The following FAT3 variants were observed in gnomAD, a reference collection of about 807,000 sequenced individuals.
FAT3 encodes FAT atypical cadherin 3.
A neutral mutation model predicts 310.2 loss-of-function variants in FAT3; 95 were observed. The observed-to-expected ratio is 0.31, with a 90% confidence interval of 0.26 to 0.36. FAT3 has a LOEUF of 0.36. Ranked by LOEUF, FAT3 falls within the 10% of genes least tolerant of loss-of-function variation. The probability of loss-of-function intolerance (pLI) is 1.00; values close to 1 mark genes in which losing one functional copy is unlikely to be tolerated. For missense variants in FAT3, 5,408 were observed against 5,715.6 expected (o/e 0.95, Z 1.74); for synonymous variants, 2,314 against 2,192.9 (o/e 1.06, Z -1.54).
At chr11:92,771,844 C>T (rs1180940119) in intron 6 of FAT3, among the ~76,000 whole-genome samples, 1 of 151,508 alleles carries the variant, frequency 6.6e-6, no homozygotes, top group Non-Finnish European at 1.5e-5. Context: ...CTCTATATGC[C>T]ATATGTAAAT....
Position 92,792,746 on chromosome 11 carries a change from C to T in FAT3, c.4612-21C>T, listed in dbSNP as rs765842226. Reference sequence around the variant, plus strand: ...GCAATTTAAAATTTGAGTCCCACCACTTCTTGTATTTTGCCTAAAGGTCAG... The same window carrying T: ...GCAATTTAAAATTTGAGTCCCACCATTTCTTGTATTTTGCCTAAAGGTCAG... On this transcript the variant is annotated intron_variant, in intron 8 of 27. Coordinates refer to ENST00000525166, the MANE Select transcript of FAT3 (RefSeq NM_001367949.2). 4 of 1,611,240 alleles carry T rather than the reference C, an allele frequency of 2.5e-6. No individual in the cohort carries two copies. The African/African-American group carries it at 4.0e-5, about 16-fold the overall frequency.
At chr11:92,659,714 TAGA>T (rs1369796915) in intron 3 of FAT3, among the ~76,000 whole-genome samples, 1 of 152,194 alleles carries the variant, frequency 6.6e-6, no homozygotes, top group Non-Finnish European at 1.5e-5. Context: ...AAGCTGATGG[TAGA>T]AGATGGCCTT....
chr11:92,733,086 G>A (rs1945235969), intron 4 of FAT3, among the ~76,000 whole-genome samples: 1 of 152,206 alleles, frequency 6.6e-6, no homozygotes, highest in South Asian at 2.1e-4. Flanking sequence ...GGAAGATGTG[G>A]AGTAGGGGAG....
intron 2 of FAT3, among the ~76,000 whole-genome samples, chr11:92,523,123 C>T (rs767100105): frequency 6.6e-6 from 1 of 152,186 alleles, no homozygotes; most frequent in South Asian, 2.1e-4. Flanking sequence ...TGTCTTTATT[C>T]ATTCAATCAG....
At chr11:92,674,740 C>G (rs528596) in intron 3 of FAT3, among the ~76,000 whole-genome samples, 75,616 of 151,740 alleles carry the variant, frequency 0.5, 19,116 homozygotes, top group African/African-American at 0.55. Context: ...TGTTGCTCAG[C>G]CTGGCCTCAA....
At chr11:92,802,632 G>C (rs894179785) in intron 10 of FAT3, among the ~76,000 whole-genome samples, 1 of 152,096 alleles carries the variant, frequency 6.6e-6, no homozygotes, top group Admixed American at 6.5e-5. Flanking sequence ...AAGAGGAGAG[G>C]GTTGACAGTG....
At chr11:92,717,022 G>A (rs937858055) in intron 4 of FAT3, among the ~76,000 whole-genome samples, 1 of 152,128 alleles carries the variant, frequency 6.6e-6, no homozygotes, top group Admixed American at 6.5e-5. Context: ...CTCTGTGATA[G>A]TCTCAGTATC....
chr11:92,607,718 ATAT>A (rs1326631730), intron 3 of FAT3, among the ~76,000 whole-genome samples: 2 of 152,200 alleles, frequency 1.3e-5, no homozygotes. Flanking sequence ...GTGCTATATG[ATAT>A]TATAATCTGT....
chr11:92,341,740 T>C (rs1441281827), intron 1 of FAT3, among the ~76,000 whole-genome samples: 1 of 152,210 alleles, frequency 6.6e-6, no homozygotes, highest in South Asian at 2.1e-4. Context: ...TTAAGCTGTT[T>C]GGTTTCTTCT....
chr11:92,650,540 G>A (rs1226078388), intron 3 of FAT3, among the ~76,000 whole-genome samples: 1 of 152,172 alleles, frequency 6.6e-6, no homozygotes, highest in Non-Finnish European at 1.5e-5. Context: ...TGGACATGCT[G>A]ATAAGAATTG....
At chr11:92,579,694 A>G (rs1039298910) in intron 3 of FAT3, among the ~76,000 whole-genome samples, 1 of 152,090 alleles carries the variant, frequency 6.6e-6, no homozygotes, top group Admixed American at 6.6e-5. Context: ...AAAAAATACC[A>G]TTACTATTTT....
At chr11:92,304,014 A>T (rs574393989) in intron 1 of FAT3, among the ~76,000 whole-genome samples, 1 of 152,288 alleles carries the variant, frequency 6.6e-6, no homozygotes, top group Non-Finnish European at 1.5e-5. Context: ...AACGGTTTGA[A>T]AAAGGAGTTT....
At chr11:92,618,104 GCCT>G (rs1940902182) in intron 3 of FAT3, among the ~76,000 whole-genome samples, 1 of 152,200 alleles carries the variant, frequency 6.6e-6, no homozygotes, top group Non-Finnish European at 1.5e-5. Flanking sequence ...AAGCAGGCAG[GCCT>G]CCATGAGCTG....
At chr11:92,275,820 T>C (rs1946253158) in intron 1 of FAT3, among the ~76,000 whole-genome samples, 2 of 151,672 alleles carry the variant, frequency 1.3e-5, no homozygotes, top group African/African-American at 2.4e-5. Flanking sequence ...CTTATAACCT[T>C]TTATTTTTCA....
At chr11:92,583,125 T>C (rs973166665) in intron 3 of FAT3, among the ~76,000 whole-genome samples, 1 of 152,000 alleles carries the variant, frequency 6.6e-6, no homozygotes, top group Non-Finnish European at 1.5e-5. Context: ...TAACATTAAA[T>C]TTAATTCAGG....
At chr11:92,765,320 T>C (rs957329191) in intron 6 of FAT3, among the ~76,000 whole-genome samples, 2 of 152,204 alleles carry the variant, frequency 1.3e-5, no homozygotes, top group African/African-American at 4.8e-5. Flanking sequence ...TTTTCCATAG[T>C]ACGTTATTTA....
intron 22 of FAT3, among the ~76,000 whole-genome samples, chr11:92,879,569 A>G (rs1456799535): frequency 6.6e-6 from 1 of 152,180 alleles, no homozygotes; most frequent in Admixed American, 6.5e-5. Flanking sequence ...TAAAAATACA[A>G]TCGAGCTTAC....
At chr11:92,796,957 T>C (rs1947191697) in intron 9 of FAT3, among the ~76,000 whole-genome samples, 1 of 152,208 alleles carries the variant, frequency 6.6e-6, no homozygotes, top group Non-Finnish European at 1.5e-5. Context: ...AGGTTTCAGT[T>C]TCACAAGGAT....
chr11:92,336,436 T>C, intron 1 of FAT3: 1 of 321,694 alleles, frequency 3.1e-6, no homozygotes, highest in Non-Finnish European at 6.0e-6. Context: ...GCCAAGAGCC[T>C]TTGCATCACC....
Sources: gnomAD v4.1 joint callset for allele counts (sites outside exome capture counted in the v4.1 genomes callset) on GRCh38, gnomAD v4.1.1 for gene constraint, MANE v1.5 for transcripts, NCBI Gene and HGNC (gene_info 2026-07-23, HGNC 2026-07-21) for gene names.